The following ITFG1 variants were observed in gnomAD, a reference collection of about 807,000 sequenced individuals.
The protein encoded by ITFG1 is T-cell immunomodulatory protein.
Under a neutral mutation model 81.8 loss-of-function variants are expected in ITFG1, and 34 were observed. That is an observed-to-expected ratio of 0.42 (90% CI 0.32 to 0.55). The LOEUF is 0.55. ITFG1 is among the 20% of genes least tolerant of loss of function. The pLI is 0.17. For synonymous variants in ITFG1, 285 were observed against 270.6 expected, an observed-to-expected ratio of 1.05 and a Z score of -0.52; for missense variants, 672 against 755.4, an observed-to-expected ratio of 0.89 and a Z score of 1.29.
chr16:47,377,446 G>C (rs923165232), intron 6 of ITFG1, among the ~76,000 whole-genome samples: 4 of 152,038 alleles, frequency 2.6e-5, no homozygotes, highest in Admixed American at 1.3e-4. Flanking sequence ...TTATGTGAAG[G>C]CTACCTTACC....
rs568125678 is a variant in ITFG1 at position 47,339,616 on chromosome 16, T to G, written c.803-25793A>C. 2.0e-5 allele frequency among the ~76,000 whole-genome samples: 3 copies of G among 152,160 alleles called. No individual in the cohort carries two copies. In the South Asian group the frequency reaches 6.2e-4, roughly 32 times the overall value. On this transcript the variant is annotated intron_variant, in intron 8 of 17. Coordinates refer to ENST00000320640, the MANE Select transcript of ITFG1 (RefSeq NM_030790.5). ...GAAATGGGGGGCCTCAACAGCAGAT[T>G]TGAACAGGCACAAGAAACAGTGAAC...
At chr16:47,438,036 T>C (rs915606926) in intron 5 of ITFG1, among the ~76,000 whole-genome samples, 15 of 152,184 alleles carry the variant, frequency 9.9e-5, no homozygotes, top group Non-Finnish European at 1.5e-4. Flanking sequence ...GGAGATTACA[T>C]CCTGCACCTG....
intron 8 of ITFG1, among the ~76,000 whole-genome samples, chr16:47,332,590 T>A (rs1330250558): frequency 6.6e-6 from 1 of 152,198 alleles, no homozygotes; most frequent in Admixed American, 6.6e-5. Context: ...TTCTCACTGA[T>A]TTCAAATTAC....
chr16:47,393,790 C>T (rs986382620), intron 6 of ITFG1, among the ~76,000 whole-genome samples: 4 of 151,878 alleles, frequency 2.6e-5, no homozygotes, highest in African/African-American at 4.8e-5. Flanking sequence ...TCACTAAATA[C>T]AAGACCATGT....
At chr16:47,338,854 TA>T (rs1392277877) in intron 8 of ITFG1, among the ~76,000 whole-genome samples, 1 of 152,194 alleles carries the variant, frequency 6.6e-6, no homozygotes, top group Non-Finnish European at 1.5e-5. Flanking sequence ...AATGTACAAT[TA>T]ATTATGGACT....
intron 12 of ITFG1, among the ~76,000 whole-genome samples, chr16:47,244,068 T>C (rs1302881757): frequency 6.6e-6 from 1 of 152,190 alleles, no homozygotes; most frequent in Non-Finnish European, 1.5e-5. Context: ...TCAGACATAG[T>C]GTTGAGCAAA....
chr16:47,158,491 T>C (rs1964750065), intron 17 of ITFG1, among the ~76,000 whole-genome samples: 2 of 152,238 alleles, frequency 1.3e-5, no homozygotes, highest in African/African-American at 4.8e-5. Context: ...CTGATAATCC[T>C]AGCCAAAGAA....
At chr16:47,433,564 T>G (rs1475186324) in intron 5 of ITFG1, among the ~76,000 whole-genome samples, 1 of 152,066 alleles carries the variant, frequency 6.6e-6, no homozygotes, top group Non-Finnish European at 1.5e-5. Context: ...AAATCAACAC[T>G]TAAGTTCTTC....
At chr16:47,220,895 T>G (rs1246508195) in intron 13 of ITFG1, among the ~76,000 whole-genome samples, 1 of 152,192 alleles carries the variant, frequency 6.6e-6, no homozygotes, top group Non-Finnish European at 1.5e-5. Context: ...TTTCAGAACT[T>G]TGCAAGAATC....
intron 8 of ITFG1, among the ~76,000 whole-genome samples, chr16:47,339,699 AAAAT>A (rs1567466189): frequency 1.3e-5 from 2 of 152,172 alleles, no homozygotes; most frequent in Non-Finnish European, 2.9e-5. Context: ...ACGATGAAGA[AAAAT>A]AAATAAAGCA....
intron 6 of ITFG1, among the ~76,000 whole-genome samples, chr16:47,404,874 TTC>T (rs1318462409): frequency 6.6e-6 from 1 of 152,180 alleles, no homozygotes; most frequent in African/African-American, 2.4e-5. Context: ...TTAACTTAAT[TTC>T]TCTGATTTCC....
At chr16:47,411,483 C>G (rs921358641) in intron 6 of ITFG1, among the ~76,000 whole-genome samples, 1 of 152,070 alleles carries the variant, frequency 6.6e-6, no homozygotes, top group Non-Finnish European at 1.5e-5. Context: ...GGGCTGTGGG[C>G]GCCATACCGG....
chr16:47,361,480 A>G (rs1031677297), intron 8 of ITFG1, among the ~76,000 whole-genome samples: 1 of 152,178 alleles, frequency 6.6e-6, no homozygotes, highest in Admixed American at 6.5e-5. Flanking sequence ...GCCTACGTAG[A>G]AAGAGACTCA....
intron 6 of ITFG1, among the ~76,000 whole-genome samples, chr16:47,423,866 T>C (rs2151607764): frequency 6.6e-6 from 1 of 152,322 alleles, no homozygotes; most frequent in South Asian, 2.1e-4. Flanking sequence ...TGACATTTTT[T>C]CCTTCATTTC....
intron 10 of ITFG1, among the ~76,000 whole-genome samples, chr16:47,301,771 G>A (rs1175380074): frequency 6.6e-6 from 1 of 152,142 alleles, no homozygotes; most frequent in Non-Finnish European, 1.5e-5. Flanking sequence ...ATTTGACAGA[G>A]AATCAATTAT....
intron 5 of ITFG1, among the ~76,000 whole-genome samples, chr16:47,439,782 G>A (rs1193813124): frequency 2.6e-5 from 4 of 152,076 alleles, no homozygotes; most frequent in African/African-American, 9.7e-5. Context: ...ATCAACTAAC[G>A]AGCAAAATAA....
At chr16:47,214,921 A>AACACACACACACAC (rs57114470) in intron 14 of ITFG1, among the ~76,000 whole-genome samples, 1 of 145,034 alleles carries the variant, frequency 6.9e-6, no homozygotes, top group East Asian at 2.0e-4. Context: ...CCAGTGTGAA[A>AACACACACACACAC]ACACACACAC....
At chr16:47,180,902 G>A (rs898494387) in intron 14 of ITFG1, among the ~76,000 whole-genome samples, 15 of 151,372 alleles carry the variant, frequency 9.9e-5, no homozygotes, top group Admixed American at 5.3e-4. Flanking sequence ...AGTGAGGAGC[G>A]TCTCTGCCCG....
intron 5 of ITFG1, among the ~76,000 whole-genome samples, chr16:47,442,764 A>G (rs1473226235): frequency 6.6e-6 from 1 of 152,220 alleles, no homozygotes; most frequent in Non-Finnish European, 1.5e-5. Flanking sequence ...GATGGATTAA[A>G]GACTTACATG....
Sources: allele counts gnomAD v4.1 joint callset (sites outside exome capture counted in the v4.1 genomes callset), GRCh38; gene constraint gnomAD v4.1.1; transcripts MANE v1.5; gene names NCBI Gene and HGNC (gene_info 2026-07-23, HGNC 2026-07-21).